ENDOG: variants seen among roughly 807,000 people sequenced by gnomAD.
The protein encoded by ENDOG is endonuclease G, mitochondrial.
Under a neutral mutation model 22.6 loss-of-function variants are expected in ENDOG, and 22 were observed. That is an observed-to-expected ratio of 0.97 (90% CI 0.70 to 1.39). The LOEUF is 1.39. ENDOG is among the 40% of genes most tolerant of loss of function. The probability of loss-of-function intolerance (pLI) is 0.00; values close to 1 mark genes in which losing one functional copy is unlikely to be tolerated. For synonymous variants in ENDOG, 173 were observed against 200.2 expected, an observed-to-expected ratio of 0.86 and a Z score of 1.15; for missense variants, 403 against 431.3, an observed-to-expected ratio of 0.93 and a Z score of 0.58.
Position 128,818,832 on chromosome 9 carries a change from G to T in ENDOG, c.148G>T (p.Glu50Ter). 1 of 1,327,890 alleles carries T rather than the reference G, an allele frequency of 7.5e-7. No individual in the cohort carries two copies. Among genetic ancestry groups the T allele is most frequent in the Non-Finnish European group, 9.6e-7 (1 of 1,042,394 alleles). The allele number at this position is 1,327,890 out of a possible 1,614,324, so 82.3% of individuals were successfully genotyped here. ...LPVLPVAAAA[E>*]LPPVPGGPRG... ...CGTGCTGCCCGTGGCGGCGGCAGCC[G>T]AGTTGCCCCCTGTGCCCGGGGGACC... Residue 50 changes from glutamate to a stop codon, truncating the protein, a stop_gained, in exon 1 of 3, where the codon GAG becomes TAG. Coordinates refer to ENST00000372642, the MANE Select transcript of ENDOG (RefSeq NM_004435.2). LOFTEE classifies it high-confidence loss of function.
In ENDOG at chr9:128,819,036, G is replaced by A. The variant is rs768753770; in HGVS notation, c.352G>A (p.Asp118Asn). 10 of 1,498,086 alleles carry A rather than the reference G, an allele frequency of 6.7e-6. No individual in the cohort carries two copies. The highest frequency in any genetic ancestry group is 1.3e-5 in the South Asian group (1 of 79,710). The allele number at this position is 1,498,086 out of a possible 1,614,324, so 92.8% of individuals were successfully genotyped here. The part of the protein sequence containing the change: ...GDRRECDFRE[D>N]DSVHAYHRAT... ...CCGGCGCGAGTGCGACTTCCGCGAGGACGACTCGGTGCACGCGTACCACCG... is the reference window on the plus strand; with the variant it reads ...CCGGCGCGAGTGCGACTTCCGCGAGAACGACTCGGTGCACGCGTACCACCG... The change falls in exon 1 of 3, where the codon GAC becomes AAC. Residue 118 changes from aspartate (D) to asparagine (N), a missense_variant. Coordinates refer to ENST00000372642, the MANE Select transcript of ENDOG (RefSeq NM_004435.2).
chr9:128,821,998 T>C, intron 2 of ENDOG: 1 of 332,724 alleles, frequency 3.0e-6, no homozygotes, highest in Non-Finnish European at 5.7e-6. Flanking sequence ...CACTTGTTGC[T>C]CACCTCTGTG....
Position 128,818,529 on chromosome 9 carries a change from T to G in ENDOG, c.-156T>G. The G allele has an allele frequency of 1.1e-6, 1 of 870,514 alleles. No individual in the cohort carries two copies. The highest frequency in any genetic ancestry group is 5.1e-4 in the Middle Eastern group (1 of 1,956). 53.9% of individuals were successfully genotyped at this position (870,514 alleles called of 1,614,324 possible). A position where few individuals can be genotyped will look rare whatever the true frequency, so the allele number is the denominator to read the frequency against. On this transcript the variant is annotated 5_prime_UTR_variant, in exon 1 of 3. Coordinates refer to ENST00000372642, the MANE Select transcript of ENDOG (RefSeq NM_004435.2). ...CCGGTTGGGCTCTGCTGCTCCCTTC[T>G]GGGTTCCGAGGCCCAAGCCCTTGGC... is the stretch of plus-strand genomic sequence containing the variant.
At chr9:128,819,492 C>G (rs1253293772) in intron 1 of ENDOG, among the ~76,000 whole-genome samples, 2 of 152,188 alleles carry the variant, frequency 1.3e-5, no homozygotes, top group African/African-American at 2.4e-5. Context: ...CTGAGGCTCA[C>G]AGAGGCAAAG....
At position 128,820,825 on chromosome 9, in the gene ENDOG, C is replaced by A; in HGVS notation, c.588C>A (p.Cys196Ter). ...LTRSYQNVYVCTGPLFLPRTE... is the reference protein window; with the variant it reads ...LTRSYQNVYV The stretch of plus-strand genomic sequence containing the variant: ...GCAGCTACCAAAACGTCTATGTCTG[C>A]ACAGGGCCACTCTTCCTGCCCAGGT... Residue 196 changes from cysteine to a stop codon, truncating the protein, a stop_gained, in exon 2 of 3, where the codon TGC becomes TGA. Coordinates refer to ENST00000372642, the MANE Select transcript of ENDOG (RefSeq NM_004435.2). LOFTEE classifies it high-confidence loss of function. The A allele has an allele frequency of 4.3e-6, 7 of 1,610,934 alleles. No homozygotes were observed. Among genetic ancestry groups the A allele is most frequent in the Non-Finnish European group, 5.9e-6 (7 of 1,178,582 alleles).
chr9:128,819,018 G>T lies in ENDOG; in HGVS notation c.334G>T (p.Glu112Ter), dbSNP rs775118344. The change falls in exon 1 of 3, where the codon GAG (glutamate) becomes TAG (stop). Residue 112 changes from glutamate (E) to a stop codon, truncating the protein, a stop_gained. Coordinates refer to ENST00000372642, the MANE Select transcript of ENDOG (RefSeq NM_004435.2). LOFTEE classifies it high-confidence loss of function. ...ERLRGDGDRR[E>*]CDFREDDSVH... ...TCTCCGCGGCGACGGCGACCGGCGC[G>T]AGTGCGACTTCCGCGAGGACGACTC... The T allele has an allele frequency of 2.8e-5, 42 of 1,490,902 alleles. No individual in the cohort carries two copies. The highest frequency in any genetic ancestry group is 3.6e-5 in the Non-Finnish European group (41 of 1,128,172). 92.4% of individuals were successfully genotyped at this position (1,490,902 alleles called of 1,614,324 possible).
chr9:128,822,575 G>C lies in ENDOG; in HGVS notation c.859G>C (p.Gly287Arg). 6.4e-7 allele frequency: 1 copy of C among 1,568,280 alleles called. No individual in the cohort carries two copies. The highest frequency in any genetic ancestry group is 8.6e-7 in the Non-Finnish European group (1 of 1,156,386). ...TGTGCCAAACATCCTGGCGCGGGCA[G>C]GCAGCCTCAAGGCCATCACGGCGGG... ...LFVPNILARA[G>R]SLKAITAGSK is the part of the protein sequence containing the mutation. Residue 287 changes from glycine (G) to arginine (R), a missense_variant, in exon 3 of 3, where the codon GGC (glycine) becomes CGC (arginine). Transcript: ENST00000372642.
Position 128,819,033 on chromosome 9 carries a change from G to C in ENDOG, c.349G>C (p.Glu117Gln). The change falls in exon 1 of 3, where the codon GAG becomes CAG. Residue 117 changes from glutamate (E) to glutamine (Q), a missense_variant. Transcript: ENST00000372642. Reference protein sequence around the residue: ...DGDRRECDFREDDSVHAYHRA... With the variant: ...DGDRRECDFRQDDSVHAYHRA... ...CGACCGGCGCGAGTGCGACTTCCGC[G>C]AGGACGACTCGGTGCACGCGTACCA... 5 of 1,496,320 alleles carry C rather than the reference G, an allele frequency of 3.3e-6. No individual in the cohort carries two copies. Among genetic ancestry groups the C allele is most frequent in the Non-Finnish European group, 4.4e-6 (5 of 1,129,554 alleles). 92.7% of individuals were successfully genotyped at this position (1,496,320 alleles called of 1,614,324 possible).
rs1289401715 is a variant in ENDOG, at chr9:128,818,971, T to C, written c.287T>C (p.Val96Ala). Residue 96 changes from valine (V) to alanine (A), a missense_variant, in exon 1 of 3, where the codon GTG becomes GCG. Val to Ala is a moderately conservative substitution (Grantham distance 64, BLOSUM62 0). Transcript: ENST00000372642. ...DPRTRGALWV[V>A]EQLRPERLRG... ...CGCACCCGCGGCGCGCTCTGGGTGGTGGAGCAGCTGCGACCCGAGCGTCTC... is the reference window on the plus strand; with the variant it reads ...CGCACCCGCGGCGCGCTCTGGGTGGCGGAGCAGCTGCGACCCGAGCGTCTC... 6 of 1,492,646 alleles carry C rather than the reference T, an allele frequency of 4.0e-6. No homozygotes were observed. Among genetic ancestry groups the C allele is most frequent in the Non-Finnish European group, 5.3e-6 (6 of 1,129,424 alleles). 92.5% of individuals were successfully genotyped at this position (1,492,646 alleles called of 1,614,324 possible). A position where few individuals can be genotyped will look rare whatever the true frequency, so the allele number is the denominator to read the frequency against.
intron 1 of ENDOG, chr9:128,819,623 G>T: frequency 5.6e-6 from 1 of 177,234 alleles, no homozygotes. Flanking sequence ...TGGTGGGTGA[G>T]GGCGGGTTTC....
rs1830094892 is a variant in ENDOG, at chr9:128,820,736, C to A, written c.502-3C>A. The A allele has an allele frequency of 2.5e-6, 4 of 1,606,820 alleles. No homozygotes were observed. In the South Asian group the frequency reaches 4.5e-5, roughly 18 times the overall value. On this transcript the variant is annotated splice_polypyrimidine_tract_variant and splice_region_variant and intron_variant, in intron 1 of 2. Transcript: ENST00000372642. ...TCCTGCTAAGCCCTATCTCTCCTAC[C>A]AGGTGCCCCACCTCAACCAGAATGC...
chr9:128,821,919 G>C (rs1830126594), intron 2 of ENDOG: 1 of 216,160 alleles, frequency 4.6e-6, no homozygotes, highest in Non-Finnish European at 9.4e-6. Context: ...ACTCTGCTGA[G>C]GGGGAGCCCC....
chr9:128,821,921 G>GT, intron 2 of ENDOG: 1 of 215,970 alleles, frequency 4.6e-6, no homozygotes. Context: ...TCTGCTGAGG[G>GT]GGAGCCCCCG....
chr9:128,818,894 G>A lies in ENDOG; in HGVS notation c.210G>A (p.Pro70=), dbSNP rs757963132. 1 of 1,464,814 alleles carries A rather than the reference G, an allele frequency of 6.8e-7. No homozygotes were observed. Among genetic ancestry groups the A allele is most frequent in the Non-Finnish European group, 9.0e-7 (1 of 1,116,056 alleles). The allele number at this position is 1,464,814 out of a possible 1,614,324, so 90.7% of individuals were successfully genotyped here. A position where few individuals can be genotyped will look rare whatever the true frequency, so the allele number is the denominator to read the frequency against. The change falls in exon 1 of 3, where the codon CCG becomes CCA. Residue 70 remains proline (P), a synonymous_variant. Transcript: ENST00000372642. ...GCGAGCTGGCCAAGTACGGGCTGCC[G>A]GGGCTGGCGCAGCTCAAGAGCCGCG... ...GPGELAKYGL[P]GLAQLKSRES...
rs1454148399 is a variant in ENDOG at position 128,820,902 on chromosome 9, C to T, written c.611+54C>T. 8.8e-6 allele frequency: 13 copies of T among 1,480,544 alleles called. No homozygotes were observed. In the East Asian group the frequency reaches 2.2e-4, roughly 25 times the overall value. The allele number at this position is 1,480,544 out of a possible 1,614,324, so 91.7% of individuals were successfully genotyped here. A position where few individuals can be genotyped will look rare whatever the true frequency, so the allele number is the denominator to read the frequency against. ...ACCTCCCACTCACCTGAGGCCCCTA[C>T]TGCCACTCACAGGGCCAGGCTTGCC... On this transcript the variant is annotated intron_variant, in intron 2 of 2. Coordinates refer to ENST00000372642, the MANE Select transcript of ENDOG (RefSeq NM_004435.2).
intron 1 of ENDOG, 23 bp from the exon 2 acceptor site, chr9:128,820,716 C>G (rs748968017): frequency 1.3e-6 from 2 of 1,588,338 alleles, no homozygotes; most frequent in Non-Finnish European, 1.7e-6. Context: ...CACAGTCCTG[C>G]TAAGCCCTAT....
intron 2 of ENDOG, chr9:128,821,331 C>T: frequency 5.7e-6 from 1 of 176,122 alleles, no homozygotes; most frequent in South Asian, 1.0e-4. Context: ...GTCCCCAGTG[C>T]ACCGAGCTCT....
intron 2 of ENDOG, 124 bp downstream of exon 2, chr9:128,820,972 GGC>G: frequency 1.2e-6 from 1 of 850,192 alleles, no homozygotes; most frequent in Non-Finnish European, 1.8e-6. Context: ...CTGGTTTCTT[GGC>G]AAGCCTGTCA....
rs779795207 is a variant in ENDOG at position 128,820,802 on chromosome 9, A to G, written c.565A>G (p.Ser189Gly). The change falls in exon 2 of 3, where the codon AGC (serine) becomes GGC (glycine). Residue 189 changes from serine to glycine, a missense_variant. Transcript: ENST00000372642. ...LEKYSRSLTR[S>G]YQNVYVCTGP... Reference sequence around the variant, plus strand: ...GAAATATAGCCGCAGCTTGACCCGCAGCTACCAAAACGTCTATGTCTGCAC... The same window carrying G: ...GAAATATAGCCGCAGCTTGACCCGCGGCTACCAAAACGTCTATGTCTGCAC... The G allele has an allele frequency of 1.9e-6, 3 of 1,612,426 alleles. No homozygotes were observed. Among genetic ancestry groups the G allele is most frequent in the Non-Finnish European group, 2.5e-6 (3 of 1,179,334 alleles).
Sources: gnomAD v4.1 joint callset for allele counts (sites outside exome capture counted in the v4.1 genomes callset) on GRCh38, gnomAD v4.1.1 for gene constraint, MANE v1.5 for transcripts, NCBI Gene and HGNC (gene_info 2026-07-23, HGNC 2026-07-21) for gene names.